Variants in SGCD observed in about 807,000 individuals in gnomAD.
The protein encoded by SGCD is sarcoglycan delta.
A neutral mutation model predicts 36.6 loss-of-function variants in SGCD; 18 were observed. The observed-to-expected ratio is 0.49, with a 90% CI of 0.34 to 0.73. The LOEUF (loss-of-function observed/expected upper bound fraction) is 0.73. SGCD is among the 30% of genes least tolerant of loss of function. SGCD has a pLI of 0.01. For missense variants in SGCD, 387 were observed against 346.7 expected (o/e 1.12, Z -0.92); for synonymous variants, 133 against 130.6 (o/e 1.02, Z -0.12).
intron 3 of SGCD, among the ~76,000 whole-genome samples, chr5:156,182,344 C>T (rs1763629590): frequency 6.6e-6 from 1 of 152,166 alleles, no homozygotes; most frequent in African/African-American, 2.4e-5. Flanking sequence ...GTAATCCCAA[C>T]ACTTGGGAGG....
rs1766684401 is a variant in SGCD at position 156,288,835 on chromosome 5, C to A, written c.-43-40699C>A. The stretch of plus-strand genomic sequence containing the variant: ...TAAGTCCGTAGGATCTAGACACTGG[C>A]CCCTTGGGTCCCACTTTCTGACTTT... On this transcript the variant is annotated intron_variant, in intron 3 of 9. Transcript: ENST00000517913. Among the ~76,000 whole-genome samples, 7 of 152,190 alleles carry A rather than the reference C, an allele frequency of 4.6e-5. No homozygotes were observed. The South Asian group carries it at 1.5e-3, about 32-fold the overall frequency.
chr5:156,148,002 A>G (rs2127613671), intron 3 of SGCD, among the ~76,000 whole-genome samples: 1 of 152,354 alleles, frequency 6.6e-6, no homozygotes, highest in South Asian at 2.1e-4. Context: ...AAGCTAAGAA[A>G]TGGTGCCACT....
chr5:156,139,929 G>T (rs944572857), intron 3 of SGCD, among the ~76,000 whole-genome samples: 3 of 152,286 alleles, frequency 2.0e-5, no homozygotes, highest in Admixed American at 1.3e-4. Flanking sequence ...AGGGCTTGAG[G>T]TTGAAGGAAG....
At chr5:156,722,892 C>T (rs942325849) in intron 7 of SGCD, among the ~76,000 whole-genome samples, 1 of 152,166 alleles carries the variant, frequency 6.6e-6, no homozygotes, top group African/African-American at 2.4e-5. Context: ...TTGTGGGGAC[C>T]CAGCCACCAT....
chr5:156,335,213 C>G (rs1768284038), intron 2 of SGCD, among the ~76,000 whole-genome samples: 1 of 152,134 alleles, frequency 6.6e-6, no homozygotes, highest in Admixed American at 6.5e-5. Flanking sequence ...ATCTGCATCT[C>G]TAGGATGGAA....
chr5:156,114,531 G>T (rs1371397753), intron 1 of SGCD, among the ~76,000 whole-genome samples: 1 of 151,982 alleles, frequency 6.6e-6, no homozygotes, highest in African/African-American at 2.4e-5. Context: ...GGTGTTGGAG[G>T]CCTGGGTTTT....
At chr5:155,987,061 C>A (rs1758347089) in intron 1 of SGCD, among the ~76,000 whole-genome samples, 1 of 152,110 alleles carries the variant, frequency 6.6e-6, no homozygotes, top group South Asian at 2.1e-4. Context: ...ATCCTTATTC[C>A]TTTGCACTGA....
At chr5:156,137,835 A>G (rs972678816) in intron 3 of SGCD, among the ~76,000 whole-genome samples, 4 of 152,184 alleles carry the variant, frequency 2.6e-5, no homozygotes, top group Non-Finnish European at 5.9e-5. Flanking sequence ...AAGATGACTC[A>G]TGTTATAACA....
intron 7 of SGCD, among the ~76,000 whole-genome samples, chr5:156,711,385 T>C (rs1341782145): frequency 6.6e-6 from 1 of 152,202 alleles, no homozygotes; most frequent in East Asian, 1.9e-4. Flanking sequence ...TTCCTGCAAA[T>C]GTATCTCTCA....
chr5:156,589,042 TC>T (rs1042331493), intron 4 of SGCD, among the ~76,000 whole-genome samples, 188 bp from the exon 5 acceptor site: 8 of 149,166 alleles, frequency 5.4e-5, no homozygotes, highest in African/African-American at 2.0e-4. Context: ...TTGGAAGAAA[TC>T]TGTTTTAGAT....
rs1755249787 is a variant in SGCD, at chr5:156,716,946, A to G, written c.576-40635A>G. The stretch of plus-strand genomic sequence containing the variant: ...TTATGCTTTTTAATTAAACCTTTCA[A>G]GGTTTAATTAGGAAACAACATGAGT... On this transcript the variant is annotated intron_variant, in intron 7 of 8. Transcript: ENST00000337851. Among the ~76,000 whole-genome samples the G allele has an allele frequency of 3.9e-5, 6 of 152,196 alleles. No homozygotes were observed. The South Asian group carries it at 1.2e-3, about 32-fold the overall frequency.
chr5:156,022,920 A>G (rs1385902785), intron 1 of SGCD, among the ~76,000 whole-genome samples: 2 of 152,214 alleles, frequency 1.3e-5, no homozygotes, highest in East Asian at 1.9e-4. Flanking sequence ...AAAATACGGT[A>G]CAAGGTGCTT....
At chr5:156,112,459 G>A (rs1005275315) in intron 1 of SGCD, among the ~76,000 whole-genome samples, 3 of 152,160 alleles carry the variant, frequency 2.0e-5, no homozygotes, top group African/African-American at 7.2e-5. Context: ...TGTGTGCTGA[G>A]GATGGGAAGC....
intron 6 of SGCD, among the ~76,000 whole-genome samples, chr5:156,636,222 T>A (rs1457032866): frequency 6.6e-6 from 1 of 152,160 alleles, no homozygotes; most frequent in African/African-American, 2.4e-5. Flanking sequence ...GGCTTACTCG[T>A]TTACTTACTT....
At chr5:155,810,731 C>G in the SGCD span, among the ~76,000 whole-genome samples, 1 of 138,762 alleles carries the variant, frequency 7.2e-6, no homozygotes, top group African/African-American at 2.7e-5. Context: ...TGATTTGGCT[C>G]GAAAATATCA....
chr5:155,953,769 C>T (rs1460730283), intron 1 of SGCD, among the ~76,000 whole-genome samples: 1 of 152,188 alleles, frequency 6.6e-6, no homozygotes, highest in Non-Finnish European at 1.5e-5. Context: ...ACCTAGGCAA[C>T]TAGGTCATCT....
chr5:155,786,044 G>A, the SGCD span, among the ~76,000 whole-genome samples: 1 of 152,222 alleles, frequency 6.6e-6, no homozygotes, highest in Admixed American at 6.5e-5. Context: ...TGGAATATGT[G>A]ATCATATTTT....
intron 4 of SGCD, among the ~76,000 whole-genome samples, chr5:156,582,300 C>T (rs1041764169): frequency 2.3e-4 from 35 of 152,300 alleles, no homozygotes; most frequent in African/African-American, 7.7e-4. Context: ...GGGGTTGTTA[C>T]ATGAGTGTTA....
intron 1 of SGCD, among the ~76,000 whole-genome samples, chr5:156,069,936 G>A (rs1467043382): frequency 6.6e-6 from 1 of 151,958 alleles, no homozygotes. Context: ...CTGTTTGTCT[G>A]TTATTGGTGT....
Sources: gnomAD v4.1 joint callset for allele counts (sites outside exome capture counted in the v4.1 genomes callset) on GRCh38, gnomAD v4.1.1 for gene constraint, MANE v1.5 for transcripts, NCBI Gene and HGNC (gene_info 2026-07-23, HGNC 2026-07-21) for gene names.